Variants in PPWD1 observed in about 807,000 individuals in gnomAD.
PPWD1 encodes the protein peptidylprolyl isomerase domain and WD repeat-containing protein 1.
In PPWD1, 43 loss-of-function variants were observed where a neutral mutation model predicts 68.8. The observed-to-expected ratio is 0.62, with a 90% confidence interval of 0.49 to 0.81. PPWD1 has a LOEUF of 0.81. Ranked by LOEUF, PPWD1 falls within the 30% of genes least tolerant of loss-of-function variation. The probability of loss-of-function intolerance (pLI) is 0.00; values close to 1 mark genes in which losing one functional copy is unlikely to be tolerated. For synonymous variants in PPWD1, 232 were observed against 258.7 expected (o/e 0.90, Z 0.99); for missense variants, 672 against 804.8 (o/e 0.83, Z 2.00).
At chr5:65,573,515 G>GTTTTTTTT (rs1485448310) in intron 5 of PPWD1, among the ~76,000 whole-genome samples, 1 of 15,400 alleles carries the variant, frequency 6.5e-5, no homozygotes, top group Non-Finnish European at 1.4e-4. Flanking sequence ...TAGTACAGAT[G>GTTTTTTTT]GTTTTTTTTT....
chr5:65,587,343 A>T lies in PPWD1; in HGVS notation c.1888A>T (p.Lys630Ter), dbSNP rs2150613371. ...QRISNVKVNP[K>*]TDKPYEDVSI... ...GATCTCCAACGTCAAAGTCAATCCC[A>T]AAACAGATAAGCCCTATGAGGATGT... Residue 630 changes from lysine to a stop codon, truncating the protein, a stop_gained, in exon 11 of 11, where the codon AAA becomes TAA. Coordinates refer to ENST00000261308, the MANE Select transcript of PPWD1 (RefSeq NM_015342.4). LOFTEE classifies it high-confidence loss of function. The T allele has an allele frequency of 6.2e-7, 1 of 1,612,838 alleles. No homozygotes were observed. Among genetic ancestry groups the T allele is most frequent in the Non-Finnish European group, 8.5e-7 (1 of 1,179,150 alleles).
chr5:65,581,428 T>C (rs1028933779), intron 7 of PPWD1, among the ~76,000 whole-genome samples: 6 of 151,928 alleles, frequency 3.9e-5, no homozygotes, highest in Admixed American at 2.6e-4. Flanking sequence ...CTACAAAAAA[T>C]TTAAGAAGCT....
chr5:65,578,463 A>T (rs187073214), intron 6 of PPWD1, among the ~76,000 whole-genome samples: 2 of 152,268 alleles, frequency 1.3e-5, no homozygotes, highest in African/African-American at 4.8e-5. Context: ...GCAATGAATG[A>T]GTGTTCCTGT....
intron 4 of PPWD1, chr5:65,571,634 T>A: frequency 2.2e-6 from 1 of 445,914 alleles, no homozygotes; most frequent in East Asian, 1.6e-4. Context: ...CTTAGAACTA[T>A]CATTATACTG....
chr5:65,570,252 C>T, intron 4 of PPWD1: 2 of 923,798 alleles, frequency 2.2e-6, no homozygotes, highest in Non-Finnish European at 2.6e-6. Context: ...ATTGACATTA[C>T]TTAGTAATAT....
Position 65,587,390 on chromosome 5 carries a change from C to T in PPWD1, c.1935C>T (p.Val645=), listed in dbSNP as rs1024899432. The change falls in exon 11 of 11, where the codon GTC becomes GTT. Residue 645 remains valine (V), a synonymous_variant. Transcript: ENST00000261308. ...YEDVSIINIT[V]K is the part of the protein sequence containing the mutation. ...ATGTCAGCATCATAAATATTACTGT[C>T]AAGTAAAATAAGATTTGTTTTAATG... The T allele has an allele frequency of 6.2e-7, 1 of 1,600,360 alleles. No homozygotes were observed. Among genetic ancestry groups the T allele is most frequent in the South Asian group, 1.1e-5 (1 of 89,402 alleles).
intron 8 of PPWD1, among the ~76,000 whole-genome samples, chr5:65,583,841 A>G (rs928612123): frequency 2.6e-5 from 4 of 152,158 alleles, no homozygotes; most frequent in Non-Finnish European, 4.4e-5. Flanking sequence ...ATTCCTGGCT[A>G]TGCTAGAGGC....
In PPWD1 at chr5:65,563,338, C is replaced by G. The variant is rs957995372; in HGVS notation, c.28C>G (p.Gln10Glu). The change falls in exon 1 of 11, where the codon CAG (glutamine) becomes GAG (glutamate). Residue 10 changes from glutamine to glutamate, a missense_variant. Transcript: ENST00000261308. MAAESGSDF[Q>E]QRRRRRRDPE... is the part of the protein sequence containing the mutation. The stretch of plus-strand genomic sequence containing the variant: ...GGCGGCGGAAAGTGGTAGCGATTTT[C>G]AGCAGAGACGTAGAAGGCGCCGGGA... 6.2e-7 allele frequency: 1 copy of G among 1,613,728 alleles called. No homozygotes were observed. Among genetic ancestry groups the G allele is most frequent in the Non-Finnish European group, 8.5e-7 (1 of 1,179,872 alleles).
chr5:65,573,826 T>G (rs1399731167), intron 5 of PPWD1, among the ~76,000 whole-genome samples: 1 of 152,136 alleles, frequency 6.6e-6, no homozygotes, highest in East Asian at 1.9e-4. Flanking sequence ...GTGAGAACAG[T>G]ACCTCACACA....
intron 5 of PPWD1, chr5:65,576,318 TAACC>T (rs1240765121): frequency 1.9e-5 from 19 of 984,352 alleles, no homozygotes; most frequent in Non-Finnish European, 2.2e-5. Context: ...GTAGTTCTAT[TAACC>T]AACCGGGTTT....
chr5:65,579,442 C>T lies in PPWD1; in HGVS notation c.1179C>T (p.Gly393=). ...TTTTTAGGTGTGTGCGGATTTTAGG[C>T]AAACAAGAAAATATTAGAGTGATGC... ...VETNRCVRIL[G]KQENIRVMQL... is the part of the protein sequence containing the mutation. Residue 393 remains glycine, a synonymous_variant, in exon 7 of 11, where the codon GGC becomes GGT. Coordinates refer to ENST00000261308, the MANE Select transcript of PPWD1 (RefSeq NM_015342.4). 6.4e-7 allele frequency: 1 copy of T among 1,559,040 alleles called. No homozygotes were observed. Among genetic ancestry groups the T allele is most frequent in the Non-Finnish European group, 8.6e-7 (1 of 1,156,638 alleles).
intron 8 of PPWD1, 124 bp downstream of exon 8, chr5:65,583,343 TA>T: frequency 8.9e-7 from 1 of 1,118,650 alleles, no homozygotes; most frequent in South Asian, 2.2e-5. Context: ...AAACGTTTGA[TA>T]AAAAACATCT....
Position 65,569,697 on chromosome 5 carries a change from G to T in PPWD1, c.365G>T (p.Gly122Val). The T allele has an allele frequency of 6.2e-7, 1 of 1,609,572 alleles. No homozygotes were observed. Among genetic ancestry groups the T allele is most frequent in the Non-Finnish European group, 8.5e-7 (1 of 1,177,346 alleles). ...HVKFWKKIEE[G>V]IEFVKHFRSH... ...AAGTTCTGGAAAAAAATAGAAGAGG[G>T]AATTGAATTTGTTAAACATTTTCGT... is the stretch of plus-strand genomic sequence containing the variant. The change falls in exon 3 of 11, where the codon GGA (glycine) becomes GTA (valine). Residue 122 changes from glycine to valine, a missense_variant. Transcript: ENST00000261308.
At chr5:65,579,672 T>C in intron 7 of PPWD1, 59 bp downstream of exon 7, 2 of 1,259,592 alleles carry the variant, frequency 1.6e-6, no homozygotes, top group Non-Finnish European at 2.1e-6. Context: ...GTTTGACTTT[T>C]CTTTGTTTGT....
intron 5 of PPWD1, among the ~76,000 whole-genome samples, chr5:65,574,769 A>G (rs1753209065): frequency 6.6e-6 from 1 of 152,178 alleles, no homozygotes; most frequent in African/African-American, 2.4e-5. Flanking sequence ...GGCCGGCACA[A>G]ATCTCTTAAC....
Position 65,571,780 on chromosome 5 carries a change from G to C in PPWD1, c.522-59G>C, listed in dbSNP as rs186591972. On this transcript the variant is annotated intron_variant, in intron 4 of 10. Transcript: ENST00000261308. ...GACATTTTTGGTAGTGGGATAGGGA[G>C]GGATGCTTGCTTGTTGTGCTGACCT... The C allele has an allele frequency of 1.8e-4, 285 of 1,564,268 alleles. No individual in the cohort carries two copies. The African/African-American group carries it at 3.7e-3, about 20-fold the overall frequency.
chr5:65,581,179 A>G (rs1207554240), intron 7 of PPWD1, among the ~76,000 whole-genome samples: 1 of 152,212 alleles, frequency 6.6e-6, no homozygotes, highest in Non-Finnish European at 1.5e-5. Context: ...TAAGATGAGA[A>G]TTTCATTTAC....
chr5:65,581,633 C>T (rs1753601898), intron 7 of PPWD1, among the ~76,000 whole-genome samples: 1 of 152,168 alleles, frequency 6.6e-6, no homozygotes, highest in African/African-American at 2.4e-5. Flanking sequence ...ACACTCAAAA[C>T]ACATACACTA....
Position 65,579,414 on chromosome 5 carries a change from AT to A in PPWD1, c.1161-9del, listed in dbSNP as rs1285680903. On this transcript the variant is annotated splice_polypyrimidine_tract_variant and intron_variant, in intron 6 of 10. Transcript: ENST00000261308. ...TGATTCTGTTGTATAAAACATTGTT[AT>A]ATTTTTAGGTGTGTGCGGATTTTAG... 6.8e-7 allele frequency: 1 copy of A among 1,481,192 alleles called. No homozygotes were observed. Among genetic ancestry groups the A allele is most frequent in the Non-Finnish European group, 9.0e-7 (1 of 1,114,242 alleles). The allele number at this position is 1,481,192 out of a possible 1,614,324, so 91.8% of individuals were successfully genotyped here. A position where few individuals can be genotyped will look rare whatever the true frequency, so the allele number is the denominator to read the frequency against.
Sources: gnomAD v4.1 joint callset for allele counts (sites outside exome capture counted in the v4.1 genomes callset) on GRCh38, gnomAD v4.1.1 for gene constraint, MANE v1.5 for transcripts, NCBI Gene and HGNC (gene_info 2026-07-23, HGNC 2026-07-21) for gene names.